Variants in SIPA1L3 observed in about 807,000 individuals in gnomAD.
SIPA1L3 encodes the protein signal induced proliferation associated 1 like 3, also known as signal-induced proliferation-associated 1-like protein 3.
A neutral mutation model predicts 150.1 loss-of-function variants in SIPA1L3; 59 were observed. The observed-to-expected ratio is 0.39, with a 90% CI of 0.32 to 0.49. The LOEUF (loss-of-function observed/expected upper bound fraction) is 0.49. Among genes scored for constraint, SIPA1L3 ranks in the 20% least tolerant of loss-of-function variants. The pLI, the probability that SIPA1L3 is intolerant of heterozygous loss-of-function variation, is 0.86. For synonymous variants in SIPA1L3, 1,070 were observed against 1,077.6 expected, an observed-to-expected ratio of 0.99 and a Z score of 0.14; for missense variants, 2,211 against 2,489.5, an observed-to-expected ratio of 0.89 and a Z score of 2.38.
intron 8 of SIPA1L3, among the ~76,000 whole-genome samples, chr19:38,115,097 G>C (rs772114431): frequency 6.6e-6 from 1 of 152,200 alleles, no homozygotes; most frequent in Non-Finnish European, 1.5e-5. Context: ...TGCATCCAGG[G>C]ACTAGCCAGA....
At chr19:38,070,149 A>G (rs1218576228) in intron 2 of SIPA1L3, among the ~76,000 whole-genome samples, 1 of 151,804 alleles carries the variant, frequency 6.6e-6, no homozygotes, top group Non-Finnish European at 1.5e-5. Flanking sequence ...CCACCCTTCA[A>G]GGAGTCTTCC....
At chr19:38,117,050 ATCT>A (rs1446130256) in intron 8 of SIPA1L3, among the ~76,000 whole-genome samples, 2 of 152,136 alleles carry the variant, frequency 1.3e-5, no homozygotes, top group African/African-American at 2.4e-5. Flanking sequence ...TCATCAACAG[ATCT>A]TCTCCCTGTC....
intron 1 of SIPA1L3, among the ~76,000 whole-genome samples, chr19:37,918,123 G>A (rs571149149): frequency 1.3e-5 from 2 of 152,210 alleles, no homozygotes; most frequent in South Asian, 4.2e-4. Context: ...CTCTAGGTTT[G>A]CTGGAACCTG....
At chr19:38,144,977 G>A (rs560178406) in intron 12 of SIPA1L3, among the ~76,000 whole-genome samples, 2 of 152,274 alleles carry the variant, frequency 1.3e-5, no homozygotes, top group Admixed American at 6.5e-5. Flanking sequence ...GCAGGATGCT[G>A]TGAAACACAG....
intron 8 of SIPA1L3, among the ~76,000 whole-genome samples, chr19:38,111,024 G>GTT (rs528494849): frequency 3.6e-5 from 5 of 138,256 alleles, no homozygotes; most frequent in African/African-American, 1.1e-4. Context: ...GTTGTTTTGG[G>GTT]TTTTTTTTTT....
intron 1 of SIPA1L3, among the ~76,000 whole-genome samples, chr19:37,961,997 T>A (rs1321965755): frequency 6.6e-6 from 1 of 152,188 alleles, no homozygotes; most frequent in Non-Finnish European, 1.5e-5. Context: ...ATTCTTTAAA[T>A]GTTATTTTAT....
chr19:37,934,265 C>T lies in SIPA1L3; in HGVS notation c.-379+26907C>T, dbSNP rs182584899. ...AGGGGACTGAGGTGCTGATGGACTTCGCGCCGCTGTAGCATACATCATCGC... is the reference window on the plus strand; with the variant it reads ...AGGGGACTGAGGTGCTGATGGACTTTGCGCCGCTGTAGCATACATCATCGC... On this transcript the variant is annotated intron_variant, in intron 1 of 21. Coordinates refer to ENST00000222345, the MANE Select transcript of SIPA1L3 (RefSeq NM_015073.3). Among the ~76,000 whole-genome samples the T allele has an allele frequency of 9.2e-5, 14 of 152,300 alleles. No homozygotes were observed. The East Asian group carries it at 2.5e-3, about 27-fold the overall frequency.
chr19:38,127,041 A>T (rs1488546965), intron 9 of SIPA1L3, among the ~76,000 whole-genome samples: 1 of 152,068 alleles, frequency 6.6e-6, no homozygotes, highest in Non-Finnish European at 1.5e-5. Context: ...AAAAATACAA[A>T]ATTAGCTGGG....
At chr19:37,946,462 G>A (rs28515958) in intron 1 of SIPA1L3, among the ~76,000 whole-genome samples, 1 of 152,150 alleles carries the variant, frequency 6.6e-6, no homozygotes, top group Non-Finnish European at 1.5e-5. Flanking sequence ...TGCTATTTGG[G>A]TAACCAAAAG....
intron 2 of SIPA1L3, among the ~76,000 whole-genome samples, chr19:38,052,542 G>A (rs1257785900): frequency 2.6e-5 from 4 of 152,224 alleles, no homozygotes; most frequent in Non-Finnish European, 5.9e-5. Flanking sequence ...CAGCAGTCCT[G>A]GGAAATGTAG....
chr19:38,084,608 G>GTT (rs145484276), intron 3 of SIPA1L3, among the ~76,000 whole-genome samples: 10 of 131,886 alleles, frequency 7.6e-5, no homozygotes, highest in East Asian at 2.2e-4. Flanking sequence ...CAGCAGCTAG[G>GTT]TTTTTTTTTG....
rs190538114 is a variant in SIPA1L3, at chr19:38,145,493, A to G, written c.3533+2783A>G. On this transcript the variant is annotated intron_variant, in intron 12 of 21. Transcript: ENST00000222345. ...GGTTGCAGTGAGCCAAGACTGTGGC[A>G]CTGCACTCCAGCCTGGGCAACAGGA... Among the ~76,000 whole-genome samples the G allele has an allele frequency of 2.0e-3, 297 of 149,782 alleles. 1 individual carries two copies. Among genetic ancestry groups the G allele is most frequent in the African/African-American group, 7.0e-3 (284 of 40,648 alleles).
At chr19:37,951,173 C>T (rs532164096) in intron 1 of SIPA1L3, among the ~76,000 whole-genome samples, 103 of 152,240 alleles carry the variant, frequency 6.8e-4, no homozygotes, top group Non-Finnish European at 1.3e-3. Context: ...TCCGTTAGAT[C>T]ACAGTACCGT....
intron 1 of SIPA1L3, among the ~76,000 whole-genome samples, chr19:37,962,462 C>G (rs2046867417): frequency 2.5e-5 from 2 of 78,604 alleles, no homozygotes; most frequent in Admixed American, 2.8e-4. Flanking sequence ...CTGCAGCCGG[C>G]CTTTTTTTTT....
chr19:37,966,270 C>T (rs1243298468), intron 1 of SIPA1L3, among the ~76,000 whole-genome samples: 1 of 152,236 alleles, frequency 6.6e-6, no homozygotes, highest in Non-Finnish European at 1.5e-5. Flanking sequence ...TCCTTCCCAG[C>T]TTGCCACAGT....
chr19:38,181,103 G>A (rs868486613), intron 15 of SIPA1L3, among the ~76,000 whole-genome samples: 3 of 152,126 alleles, frequency 2.0e-5, no homozygotes, highest in Admixed American at 6.6e-5. Flanking sequence ...GAAGAGGTGG[G>A]GGGAGGACAA....
At chr19:38,096,119 C>A (rs1379650836) in intron 4 of SIPA1L3, among the ~76,000 whole-genome samples, 1 of 152,142 alleles carries the variant, frequency 6.6e-6, no homozygotes. Context: ...ACATGCCTCT[C>A]GCCCAGGTGC....
intron 5 of SIPA1L3, 34 bp from the exon 6 acceptor site, chr19:38,101,018 G>A: frequency 6.7e-7 from 1 of 1,502,708 alleles, no homozygotes; most frequent in Non-Finnish European, 8.9e-7. Context: ...TCTCTGCCTG[G>A]CCTGCCTCCA....
chr19:38,063,941 G>A (rs192716531), intron 2 of SIPA1L3, among the ~76,000 whole-genome samples: 338 of 152,330 alleles, frequency 2.2e-3, no homozygotes, highest in Non-Finnish European at 3.8e-3. Context: ...CCCTGATGAT[G>A]CCCCCAGTTA....
Sources: allele counts gnomAD v4.1 joint callset (sites outside exome capture counted in the v4.1 genomes callset), GRCh38; gene constraint gnomAD v4.1.1; transcripts MANE v1.5; gene names NCBI Gene and HGNC (gene_info 2026-07-23, HGNC 2026-07-21).